IL1RAPL1: variants seen among roughly 807,000 people sequenced by gnomAD.
The protein encoded by IL1RAPL1 is interleukin-1 receptor accessory protein-like 1.
IL1RAPL1 carries 3 observed loss-of-function variants against 48.4 expected under a neutral mutation model. The observed-to-expected ratio is 0.06, with a 90% CI of 0.03 to 0.16. The LOEUF (loss-of-function observed/expected upper bound fraction) is 0.16, where lower values mean the gene tolerates loss of function less well. Among genes scored for constraint, IL1RAPL1 ranks in the 10% least tolerant of loss-of-function variants. The pLI, the probability that IL1RAPL1 is intolerant of heterozygous loss-of-function variation, is 1.00. For synonymous variants in IL1RAPL1, 185 were observed against 187.7 expected (o/e 0.99, Z 0.12); for missense variants, 349 against 530.6 (o/e 0.66, Z 3.36).
rs1216033249 is a variant in IL1RAPL1, at chrX:29,955,938, G to A, written c.*118G>A. ...ACATGCATTAGAATCTCTAGAACAC[G>A]AGGAAAAACAGGGTCTTGTACATAT... On this transcript the variant is annotated 3_prime_UTR_variant, in exon 11 of 11. Transcript: ENST00000378993. 1.7e-6 allele frequency: 1 copy of A among 588,842 alleles called. No individual in the cohort carries two copies. The highest frequency in any genetic ancestry group is 2.9e-6 in the Non-Finnish European group (1 of 344,425). The allele number at this position is 588,842 out of a possible 1,213,427, so 48.5% of individuals were successfully genotyped here. A position where few individuals can be genotyped will look rare whatever the true frequency, so the allele number is the denominator to read the frequency against.
At chrX:29,013,208 A>AC (rs1490147106) in intron 2 of IL1RAPL1, among the ~76,000 whole-genome samples, 1 of 110,508 alleles carries the variant, frequency 9.0e-6, no homozygotes, top group Non-Finnish European at 1.9e-5. Context: ...TAAAAAAAAA[A>AC]AAAACAATAG....
intron 2 of IL1RAPL1, among the ~76,000 whole-genome samples, chrX:28,831,337 C>T (rs1306896870): frequency 3.8e-5 from 4 of 105,717 alleles, no homozygotes; most frequent in Admixed American, 3.2e-4. Flanking sequence ...GTGGCTTCAC[C>T]ACCTAAGGCA....
At chrX:29,815,750 C>T (rs757014406) in intron 6 of IL1RAPL1, among the ~76,000 whole-genome samples, 1 of 110,833 alleles carries the variant, frequency 9.0e-6, no homozygotes, top group East Asian at 2.8e-4. Context: ...GTTATGTTCC[C>T]TAGATGCCTA....
intron 2 of IL1RAPL1, among the ~76,000 whole-genome samples, chrX:28,913,445 A>C (rs1923409059): frequency 8.9e-6 from 1 of 112,092 alleles, no homozygotes; most frequent in South Asian, 3.7e-4. Flanking sequence ...TTTCAATGTA[A>C]GCATTTCTTA....
chrX:28,972,664 A>C (rs75342929), intron 2 of IL1RAPL1, among the ~76,000 whole-genome samples: 19,122 of 110,637 alleles, frequency 0.17, 1,463 homozygotes, highest in East Asian at 0.44. Flanking sequence ...GCGTGAACCT[A>C]GGAGGCGGAG....
chrX:29,706,681 A>G lies in IL1RAPL1; in HGVS notation c.778+38177A>G, dbSNP rs775058987. On this transcript the variant is annotated intron_variant, in intron 6 of 10. Transcript: ENST00000378993. Reference sequence around the variant, plus strand: ...AACTGATTGTTTGACAAACCCAACAAAAATATCAAGTGGGGAAAGGACACC... The same window carrying G: ...AACTGATTGTTTGACAAACCCAACAGAAATATCAAGTGGGGAAAGGACACC... Among the ~76,000 whole-genome samples the G allele has an allele frequency of 5.4e-5, 6 of 111,942 alleles. No homozygotes were observed. In the South Asian group the frequency reaches 2.2e-3, roughly 42 times the overall value.
At chrX:29,434,710 T>A (rs768082182) in intron 5 of IL1RAPL1, among the ~76,000 whole-genome samples, 3 of 111,291 alleles carry the variant, frequency 2.7e-5, no homozygotes, top group African/African-American at 6.5e-5. Context: ...ATCGATATAG[T>A]TTGATAGTAT....
chrX:29,332,603 C>T (rs1932896145), intron 3 of IL1RAPL1, among the ~76,000 whole-genome samples: 1 of 86,452 alleles, frequency 1.2e-5, no homozygotes, highest in Non-Finnish European at 2.3e-5. Context: ...AGAACTTGGC[C>T]CATATTTTAT....
chrX:29,625,396 C>T (rs1924588637), intron 5 of IL1RAPL1, among the ~76,000 whole-genome samples: 1 of 111,313 alleles, frequency 9.0e-6, no homozygotes, highest in African/African-American at 3.3e-5. Context: ...TTACCATAAG[C>T]CTAGCTATTA....
intron 5 of IL1RAPL1, among the ~76,000 whole-genome samples, chrX:29,619,660 G>A (rs1393360274): frequency 9.0e-6 from 1 of 111,265 alleles, no homozygotes; most frequent in Non-Finnish European, 1.9e-5. Context: ...ATTTAGAGGG[G>A]AAGGATATGC....
Position 28,629,411 on chromosome X carries a change from C to T in IL1RAPL1, c.-25+41364C>T, listed in dbSNP as rs1450279593. Among the ~76,000 whole-genome samples the T allele has an allele frequency of 3.6e-5, 4 of 111,681 alleles. No individual in the cohort carries two copies. The Admixed American group carries it at 3.8e-4, about 11-fold the overall frequency. On this transcript the variant is annotated intron_variant, in intron 1 of 10. Coordinates refer to ENST00000378993, the MANE Select transcript of IL1RAPL1 (RefSeq NM_014271.4). Reference sequence around the variant, plus strand: ...TCTAAGTGGACGATTGGGTGGTCATCACTGGGGGACCTTACTATGTGTCAT... The same window carrying T: ...TCTAAGTGGACGATTGGGTGGTCATTACTGGGGGACCTTACTATGTGTCAT...
At chrX:28,885,338 T>C (rs776192826) in intron 2 of IL1RAPL1, among the ~76,000 whole-genome samples, 14 of 111,170 alleles carry the variant, frequency 1.3e-4, no homozygotes, top group South Asian at 7.6e-4. Context: ...TCAAGGACTT[T>C]CGCAGTGTTT....
intron 1 of IL1RAPL1, among the ~76,000 whole-genome samples, chrX:28,750,007 C>T (rs1936023022): frequency 9.3e-6 from 1 of 107,793 alleles, no homozygotes; most frequent in South Asian, 4.1e-4. Flanking sequence ...GGCTGGAGTG[C>T]AGTGACACGA....
At chrX:29,860,514 C>T (rs1323967600) in intron 6 of IL1RAPL1, among the ~76,000 whole-genome samples, 2 of 110,752 alleles carry the variant, frequency 1.8e-5, no homozygotes, top group African/African-American at 6.6e-5. Flanking sequence ...TCCCCTATCC[C>T]TCCACCCCCT....
intron 5 of IL1RAPL1, among the ~76,000 whole-genome samples, chrX:29,648,587 A>T: frequency 8.9e-6 from 1 of 112,276 alleles, no homozygotes; most frequent in East Asian, 2.8e-4. Context: ...TTTTTAAGAC[A>T]AATAAAAATG....
At chrX:28,790,322 A>T (rs757004115) in intron 2 of IL1RAPL1, among the ~76,000 whole-genome samples, 1 of 112,769 alleles carries the variant, frequency 8.9e-6, no homozygotes, top group Non-Finnish European at 1.9e-5. Flanking sequence ...AATTGCATGG[A>T]CAAAAGCATC....
At chrX:29,920,672 G>A (rs1453437538) in intron 8 of IL1RAPL1, among the ~76,000 whole-genome samples, 2 of 107,381 alleles carry the variant, frequency 1.9e-5, no homozygotes, top group Admixed American at 1.0e-4. Flanking sequence ...GTGCAAGTCT[G>A]TAATCCCAGC....
intron 2 of IL1RAPL1, among the ~76,000 whole-genome samples, chrX:28,842,764 G>A (rs1236773820): frequency 1.8e-5 from 2 of 111,557 alleles, no homozygotes; most frequent in Non-Finnish European, 3.8e-5. Context: ...TTATTTGGTG[G>A]TAATGAAGAT....
At chrX:28,957,792 T>A (rs1187069598) in intron 2 of IL1RAPL1, among the ~76,000 whole-genome samples, 2 of 108,983 alleles carry the variant, frequency 1.8e-5, no homozygotes, top group Non-Finnish European at 3.8e-5. Flanking sequence ...AAACCCTGTC[T>A]CTACTAAAAT....
Sources: allele counts gnomAD v4.1 joint callset (sites outside exome capture counted in the v4.1 genomes callset), GRCh38; gene constraint gnomAD v4.1.1; transcripts MANE v1.5; gene names NCBI Gene and HGNC (gene_info 2026-07-23, HGNC 2026-07-21).